The following PREPL variants were observed in gnomAD, a reference collection of about 807,000 sequenced individuals.
The protein encoded by PREPL is prolyl endopeptidase like.
PREPL carries 77 observed loss-of-function variants against 70.6 expected under a neutral mutation model. That is an observed-to-expected ratio of 1.09 (90% CI 0.91 to 1.32). The LOEUF is 1.32. PREPL is among the 40% of genes most tolerant of loss of function. The pLI is 0.00. For missense variants in PREPL, 1,002 were observed against 778.2 expected (o/e 1.29, Z -3.42); for synonymous variants, 315 against 264.8 (o/e 1.19, Z -1.84).
Position 44,326,836 on chromosome 2 carries a change from G to A in PREPL, c.1355C>T (p.Thr452Met), listed in dbSNP as rs774180242. Residue 452 changes from threonine to methionine, a missense_variant, in exon 10 of 14, where the codon ACG (threonine) becomes ATG (methionine). Physicochemically the swap from Thr to Met is moderately conservative, Grantham distance 81. Transcript: ENST00000409411. ...GLADLEACIKTLHGQGFSQPS... is the reference protein window; with the variant it reads ...GLADLEACIKMLHGQGFSQPS... Reference sequence around the variant, plus strand: ...CTGAGAAAAGCCTTGGCCATGAAGCGTCTTAATGCAAGCCTCTAAATCAGC... The same window carrying A: ...CTGAGAAAAGCCTTGGCCATGAAGCATCTTAATGCAAGCCTCTAAATCAGC... The A allele has an allele frequency of 5.5e-5, 89 of 1,613,982 alleles. No homozygotes were observed. The highest frequency in any genetic ancestry group is 6.7e-5 in the Non-Finnish European group (79 of 1,180,022).
At chr2:44,330,566 T>G (rs1673988153) in intron 8 of PREPL, among the ~76,000 whole-genome samples, 1 of 152,228 alleles carries the variant, frequency 6.6e-6, no homozygotes, top group Non-Finnish European at 1.5e-5. Flanking sequence ...TTGTTCTGTA[T>G]TTTTGCATCT....
chr2:44,361,741 G>C (rs1390107631), upstream of PREPL: 12 of 447,008 alleles, frequency 2.7e-5, no homozygotes, highest in Admixed American at 5.4e-4. Context: ...CAGCGTTCCA[G>C]TAGCCCTGCC....
chr2:44,354,881 T>C (rs1214792603), intron 1 of PREPL, among the ~76,000 whole-genome samples: 1 of 152,178 alleles, frequency 6.6e-6, no homozygotes, highest in Non-Finnish European at 1.5e-5. Context: ...CCGGCCTTCT[T>C]CACCCTTAAG....
chr2:44,338,319 T>TTA (rs763132237), intron 7 of PREPL, 32 bp downstream of exon 7: 1 of 1,560,314 alleles, frequency 6.4e-7, no homozygotes, highest in Non-Finnish European at 8.7e-7. Context: ...ATATTTTGAT[T>TTA]AACAGTATTA....
chr2:44,320,820 G>C lies in PREPL; in HGVS notation c.*536C>G, dbSNP rs1366244064. Reference sequence around the variant, plus strand: ...TTTGAAAAAAATAAAATGTTTAAAAGTAAATTATGGCTTATAGGAGCTTAT... The same window carrying C: ...TTTGAAAAAAATAAAATGTTTAAAACTAAATTATGGCTTATAGGAGCTTAT... On this transcript the variant is annotated 3_prime_UTR_variant, in exon 14 of 14. Transcript: ENST00000409411. The C allele has an allele frequency of 3.2e-6, 2 of 631,538 alleles. No individual in the cohort carries two copies. Among genetic ancestry groups the C allele is most frequent in the Non-Finnish European group, 5.6e-6 (2 of 359,178 alleles). 39.1% of individuals were successfully genotyped at this position (631,538 alleles called of 1,614,324 possible).
rs375606179 is a variant in PREPL at position 44,329,035 on chromosome 2, A to G, written c.1164T>C (p.His388=). 21 of 1,613,206 alleles carry G rather than the reference A, an allele frequency of 1.3e-5. No individual in the cohort carries two copies. In the African/African-American group the frequency reaches 2.3e-4, roughly 17 times the overall value. ...AATCCATTCCATAAGCTCCATATAC[A>G]TGTACCAAGAGAGGTTTCTTCTGCA... ...EDLQKKPLLV[H]VYGAYGMDLK... is the part of the protein sequence containing the mutation. Residue 388 remains histidine, a synonymous_variant, in exon 9 of 14, where the codon CAT becomes CAC. Coordinates refer to ENST00000409411, the MANE Select transcript of PREPL (RefSeq NM_001171613.2).
Position 44,320,456 on chromosome 2 carries a change from T to C in PREPL, c.*900A>G. On this transcript the variant is annotated 3_prime_UTR_variant, in exon 14 of 14. Coordinates refer to ENST00000409411, the MANE Select transcript of PREPL (RefSeq NM_001171613.2). ...AAATGAGAATAAGGTTAAGTACCAA[T>C]TCTGCCGACAAAGGCAGTAAAGTTG... 2.5e-6 allele frequency: 4 copies of C among 1,614,152 alleles called. No individual in the cohort carries two copies. The highest frequency in any genetic ancestry group is 3.4e-6 in the Non-Finnish European group (4 of 1,179,980).
At position 44,317,848 on chromosome 2, in the gene PREPL, T is replaced by C. The variant is rs1374746828; in HGVS notation, c.*3508A>G. The C allele has an allele frequency of 5.6e-6, 1 of 179,128 alleles. No individual in the cohort carries two copies. Among genetic ancestry groups the C allele is most frequent in the Non-Finnish European group, 1.2e-5 (1 of 83,778 alleles). 11.1% of individuals were successfully genotyped at this position (179,128 alleles called of 1,614,324 possible). On this transcript the variant is annotated 3_prime_UTR_variant, in exon 14 of 14. Coordinates refer to ENST00000409411, the MANE Select transcript of PREPL (RefSeq NM_001171613.2). ...GTCTAAATAATACAATAATTACAAA[T>C]ATGAATGGGTTAAATTAGCCTATTA...
rs747192339 is a variant in PREPL, at chr2:44,338,474, C to T, written c.765G>A (p.Lys255=). 3 of 1,612,556 alleles carry T rather than the reference C, an allele frequency of 1.9e-6. No individual in the cohort carries two copies. The Admixed American group carries it at 5.0e-5, about 27-fold the overall frequency. ...IMNWDLFFTM[K]RNTKVIDLDM... Reference sequence around the variant, plus strand: ...CCAAGTCTATCACTTTTGTATTTCTCTTCATTGTAAAAAATAAATCCCAAT... The same window carrying T: ...CCAAGTCTATCACTTTTGTATTTCTTTTCATTGTAAAAAATAAATCCCAAT... The change falls in exon 7 of 14, where the codon AAG becomes AAA. Residue 255 remains lysine (K), a synonymous_variant. Coordinates refer to ENST00000409411, the MANE Select transcript of PREPL (RefSeq NM_001171613.2).
intron 7 of PREPL, among the ~76,000 whole-genome samples, chr2:44,336,026 A>G (rs1299971021): frequency 1.3e-5 from 2 of 152,202 alleles, no homozygotes; most frequent in African/African-American, 4.8e-5. Context: ...ATCAGTTAGA[A>G]TGACTGTAGT....
chr2:44,321,927 T>C, intron 12 of PREPL, 27 bp from the exon 13 acceptor site: 1 of 1,599,458 alleles, frequency 6.3e-7, no homozygotes, highest in Non-Finnish European at 8.5e-7. Flanking sequence ...GTAGAACAAT[T>C]AGAAGATTGT....
chr2:44,332,970 G>A (rs1220925921), intron 7 of PREPL, among the ~76,000 whole-genome samples: 4 of 152,126 alleles, frequency 2.6e-5, no homozygotes, highest in Non-Finnish European at 5.9e-5. Flanking sequence ...ATAGTAAAAT[G>A]GAAGAATAAG....
chr2:44,346,000 G>C (rs1355782244), intron 2 of PREPL, among the ~76,000 whole-genome samples: 1 of 151,854 alleles, frequency 6.6e-6, no homozygotes, highest in Non-Finnish European at 1.5e-5. Flanking sequence ...TTTTAAATCG[G>C]AACTGATTGT....
intron 10 of PREPL, among the ~76,000 whole-genome samples, chr2:44,324,201 C>T (rs1436319213): frequency 6.6e-6 from 1 of 152,094 alleles, no homozygotes; most frequent in East Asian, 1.9e-4. Flanking sequence ...ATGACTCCAC[C>T]TATGTGAGGT....
rs148031803 is a variant in PREPL, at chr2:44,333,677, A to G, written c.889-1021T>C. Among the ~76,000 whole-genome samples, 778 of 152,334 alleles carry G rather than the reference A, an allele frequency of 5.1e-3. 3 individuals are homozygous for G. Among genetic ancestry groups the G allele is most frequent in the Non-Finnish European group, 8.2e-3 (556 of 68,016 alleles). Reference sequence around the variant, plus strand: ...AACACTAGTAAGGACACACATCTGCAATCTCTAAAAGCTCCTAATGTATGC... The same window carrying G: ...AACACTAGTAAGGACACACATCTGCGATCTCTAAAAGCTCCTAATGTATGC... On this transcript the variant is annotated intron_variant, in intron 7 of 13. Coordinates refer to ENST00000409411, the MANE Select transcript of PREPL (RefSeq NM_001171613.2).
At chr2:44,324,953 G>C (rs573199763) in intron 10 of PREPL, among the ~76,000 whole-genome samples, 19 of 152,074 alleles carry the variant, frequency 1.2e-4, no homozygotes, top group African/African-American at 4.3e-4. Context: ...CAAAAATGAA[G>C]GCTGTATTTT....
rs779352951 is a variant in PREPL, at chr2:44,318,140, G to T, written c.*3216C>A. 1 of 437,426 alleles carries T rather than the reference G, an allele frequency of 2.3e-6. No homozygotes were observed. Among genetic ancestry groups the T allele is most frequent in the Non-Finnish European group, 4.6e-6 (1 of 219,056 alleles). 27.1% of individuals were successfully genotyped at this position (437,426 alleles called of 1,614,324 possible). On this transcript the variant is annotated 3_prime_UTR_variant, in exon 14 of 14. Transcript: ENST00000409411. Reference sequence around the variant, plus strand: ...CAGTCTTGCTCCGTCACCCATGCTCGAGTGCAGTGGCGTGATCTCGGCACA... The same window carrying T: ...CAGTCTTGCTCCGTCACCCATGCTCTAGTGCAGTGGCGTGATCTCGGCACA...
intron 1 of PREPL, among the ~76,000 whole-genome samples, chr2:44,352,881 C>T (rs1676601278): frequency 6.6e-6 from 1 of 151,990 alleles, no homozygotes; most frequent in Non-Finnish European, 1.5e-5. Context: ...AAAGGACAGA[C>T]AATTAAAAGA....
chr2:44,361,199 C>T (rs1213393424), intron 1 of PREPL, among the ~76,000 whole-genome samples, 181 bp downstream of exon 1: 3 of 152,140 alleles, frequency 2.0e-5, no homozygotes, highest in East Asian at 3.8e-4. Flanking sequence ...TTCGTTTACC[C>T]CGTGCAACTC....
Sources: gnomAD v4.1 joint callset for allele counts (sites outside exome capture counted in the v4.1 genomes callset) on GRCh38, gnomAD v4.1.1 for gene constraint, MANE v1.5 for transcripts, NCBI Gene and HGNC (gene_info 2026-07-23, HGNC 2026-07-21) for gene names.